DSCAML1: variants seen among roughly 807,000 people sequenced by gnomAD.
The protein encoded by DSCAML1 is cell adhesion molecule DSCAML1.
In DSCAML1, 38 loss-of-function variants were observed where a neutral mutation model predicts 200.5. The ratio of observed to expected loss-of-function variants is 0.19; its 90% CI spans 0.15 to 0.25. The LOEUF is 0.25. DSCAML1 is among the 10% of genes least tolerant of loss of function. DSCAML1 has a pLI of 1.00. For missense variants in DSCAML1, 2,223 were observed against 2,858.8 expected (o/e 0.78, Z 5.07); for synonymous variants, 1,215 against 1,165.0 (o/e 1.04, Z -0.87).
At chr11:117,576,392 C>T (rs1327582521) in intron 3 of DSCAML1, among the ~76,000 whole-genome samples, 1 of 152,142 alleles carries the variant, frequency 6.6e-6, no homozygotes, top group Non-Finnish European at 1.5e-5. Context: ...AGTCTTGCTC[C>T]TCCCCATTCC....
chr11:117,659,083 C>T (rs1398191432), intron 3 of DSCAML1, among the ~76,000 whole-genome samples: 1 of 152,200 alleles, frequency 6.6e-6, no homozygotes, highest in African/African-American at 2.4e-5. Context: ...TGGGTGAGCA[C>T]TGCTGCTATT....
chr11:117,516,698 C>T lies in DSCAML1; in HGVS notation c.1552G>A (p.Ala518Thr), dbSNP rs771272739. Residue 518 changes from alanine (A) to threonine (T), a missense_variant, in exon 8 of 33, where the codon GCC (alanine) becomes ACC (threonine). Ala to Thr is a moderately conservative substitution (Grantham distance 58). Transcript: ENST00000651296. The surrounding 1 kb of genome is among the most constrained non-coding windows in gnomAD (Gnocchi z 5.7). ...IRAMRNITAV[A>T]GRDTLINCRV... Reference sequence around the variant, plus strand: ...CAGTTGATAAGGGTGTCCCGCCCGGCGACTGCTGTGATGTTCCGCATAGCC... The same window carrying T: ...CAGTTGATAAGGGTGTCCCGCCCGGTGACTGCTGTGATGTTCCGCATAGCC... 3.7e-6 allele frequency: 6 copies of T among 1,613,896 alleles called. No individual in the cohort carries two copies. The highest frequency in any genetic ancestry group is 4.2e-6 in the Non-Finnish European group (5 of 1,179,954).
chr11:117,717,741 T>G (rs935436651), intron 3 of DSCAML1, among the ~76,000 whole-genome samples: 1 of 152,160 alleles, frequency 6.6e-6, no homozygotes, highest in African/African-American at 2.4e-5. Context: ...GCCCAGTGCC[T>G]GGCACACAGC....
At chr11:117,462,302 TC>T (rs2048496510) in intron 17 of DSCAML1, among the ~76,000 whole-genome samples, 1 of 151,696 alleles carries the variant, frequency 6.6e-6, no homozygotes. Context: ...AGTCACACTC[TC>T]CCTCTGAGAG....
intron 5 of DSCAML1, among the ~76,000 whole-genome samples, chr11:117,521,823 A>G (rs2049892700): frequency 6.6e-6 from 1 of 152,110 alleles, no homozygotes; most frequent in African/African-American, 2.4e-5. Flanking sequence ...ACACATTGCT[A>G]TGTGCTGCTG....
At chr11:117,668,625 G>C (rs1395338211) in intron 3 of DSCAML1, 1 of 152,246 alleles carries the variant, frequency 6.6e-6, no homozygotes, top group Non-Finnish European at 1.5e-5. Flanking sequence ...GTTCCAGGCA[G>C]AGAGAGCTTG....
intron 3 of DSCAML1, among the ~76,000 whole-genome samples, chr11:117,703,608 C>T (rs2053704323): frequency 6.6e-6 from 1 of 152,164 alleles, no homozygotes; most frequent in Non-Finnish European, 1.5e-5. Context: ...CTGCCCACTC[C>T]CGACCATCCC....
chr11:117,626,210 TCCTTC>T (rs1307685964), intron 3 of DSCAML1, among the ~76,000 whole-genome samples: 1 of 115,502 alleles, frequency 8.7e-6, no homozygotes, highest in African/African-American at 3.2e-5. Flanking sequence ...CCCCCCCCCC[TCCTTC>T]TTCTGGCATG....
intron 31 of DSCAML1, 101 bp downstream of exon 31, chr11:117,431,433 C>T (rs1453574419): frequency 7.9e-6 from 9 of 1,142,552 alleles, no homozygotes; most frequent in Non-Finnish European, 9.6e-6. Context: ...GCCTTGGGCC[C>T]CATGAGCTGG....
Position 117,532,423 on chromosome 11 carries a change from T to C in DSCAML1, c.611A>G (p.Tyr204Cys), listed in dbSNP as rs759883634. 6.2e-7 allele frequency: 1 copy of C among 1,614,172 alleles called. No homozygotes were observed. The highest frequency in any genetic ancestry group is 8.5e-7 in the Non-Finnish European group (1 of 1,180,012). ...ATTGCTCTGCCGGGTCTCCCCGCTATACTTGTGCTTGGTGATGCAGCGATA... is the reference window on the plus strand; with the variant it reads ...ATTGCTCTGCCGGGTCTCCCCGCTACACTTGTGCTTGGTGATGCAGCGATA... ...STYRCITKHKYSGETRQSNGA... is the reference protein window; with the variant it reads ...STYRCITKHKCSGETRQSNGA... Residue 204 changes from tyrosine to cysteine, a missense_variant, in exon 4 of 33, where the codon TAT (tyrosine) becomes TGT (cysteine). Physicochemically the swap from Tyr to Cys is radical, Grantham distance 194. This residue lies in a region of DSCAML1 where 579 missense variants were observed against 721.5 expected (regional missense o/e 0.80). Coordinates refer to ENST00000651296, the MANE Select transcript of DSCAML1 (RefSeq NM_020693.4).
chr11:117,521,226 T>A lies in DSCAML1; in HGVS notation c.1117A>T (p.Ile373Phe). 1 of 1,614,140 alleles carries A rather than the reference T, an allele frequency of 6.2e-7. No homozygotes were observed. The highest frequency in any genetic ancestry group is 8.5e-7 in the Non-Finnish European group (1 of 1,180,026). Residue 373 changes from isoleucine to phenylalanine, a missense_variant, in exon 6 of 33, where the codon ATC becomes TTC. Ile to Phe is a conservative substitution (Grantham distance 21). Coordinates refer to ENST00000651296, the MANE Select transcript of DSCAML1 (RefSeq NM_020693.4). ...IRGLSNETLL[I>F]TSAQKSHSGA... ...GAATGGCTCTTCTGGGCCGAGGTGATGAGCAGCGTCTCGTTGCTGAGCCCG... is the reference window on the plus strand; with the variant it reads ...GAATGGCTCTTCTGGGCCGAGGTGAAGAGCAGCGTCTCGTTGCTGAGCCCG...
chr11:117,680,075 G>A (rs1381541706), intron 3 of DSCAML1, among the ~76,000 whole-genome samples: 1 of 152,190 alleles, frequency 6.6e-6, no homozygotes, highest in Non-Finnish European at 1.5e-5. Context: ...GTCCATCAGT[G>A]AAGATAATGC....
At chr11:117,801,985 G>C (rs1242073646), upstream of DSCAML1, 4 of 152,264 alleles carry the variant, frequency 2.6e-5, no homozygotes, top group Non-Finnish European at 5.9e-5. Context: ...CAGAGCTGAA[G>C]CTCATTGTCA....
Position 117,437,766 on chromosome 11 carries a change from C to T in DSCAML1, c.4432+129G>A, listed in dbSNP as rs2047950281. The T allele has an allele frequency of 9.3e-7, 1 of 1,073,650 alleles. No individual in the cohort carries two copies. The highest frequency in any genetic ancestry group is 1.3e-6 in the Non-Finnish European group (1 of 770,160). The allele number at this position is 1,073,650 out of a possible 1,614,324, so 66.5% of individuals were successfully genotyped here. ...ACGGGAAGGAGGCTGAGGCTCCTCCCTTCAGTCTCCCTGCATCCCTGGACC... is the reference window on the plus strand; with the variant it reads ...ACGGGAAGGAGGCTGAGGCTCCTCCTTTCAGTCTCCCTGCATCCCTGGACC... On this transcript the variant is annotated intron_variant, in intron 25 of 32. Transcript: ENST00000651296. This position sits in a 1 kb window ranked among gnomAD's most constrained non-coding sequence, Gnocchi z 5.3.
chr11:117,487,049 C>A (rs1356913632), intron 11 of DSCAML1, among the ~76,000 whole-genome samples: 1 of 149,148 alleles, frequency 6.7e-6, no homozygotes, highest in African/African-American at 2.5e-5. Context: ...CTCAGTCTCA[C>A]AAGCAGCTGG....
chr11:117,571,971 G>A (rs950870831), intron 3 of DSCAML1, among the ~76,000 whole-genome samples: 1 of 152,174 alleles, frequency 6.6e-6, no homozygotes, highest in African/African-American at 2.4e-5. Context: ...CAATGCCATG[G>A]CAACGTCAGG....
At chr11:117,795,271 G>A (rs1354971891) in intron 1 of DSCAML1, among the ~76,000 whole-genome samples, 1 of 152,184 alleles carries the variant, frequency 6.6e-6, no homozygotes, top group African/African-American at 2.4e-5. Context: ...CAGCGGCTTC[G>A]GCCTGTGCTT....
chr11:117,676,671 C>A (rs1429106797), intron 3 of DSCAML1, among the ~76,000 whole-genome samples: 1 of 152,218 alleles, frequency 6.6e-6, no homozygotes, highest in Non-Finnish European at 1.5e-5. Context: ...TCTGGATGGA[C>A]CAGCAGCTGC....
chr11:117,467,083 C>T (rs576925220), intron 16 of DSCAML1, among the ~76,000 whole-genome samples: 5 of 151,004 alleles, frequency 3.3e-5, no homozygotes, highest in Non-Finnish European at 5.9e-5. Flanking sequence ...GTCAGCCAGG[C>T]GAATGGAGAA....
Sources: allele counts gnomAD v4.1 joint callset (sites outside exome capture counted in the v4.1 genomes callset), GRCh38; gene constraint gnomAD v4.1.1; regional missense constraint gnomAD v4.1.1; non-coding constraint Gnocchi (gnomAD v3.1); transcripts MANE v1.5; gene names NCBI Gene and HGNC (gene_info 2026-07-23, HGNC 2026-07-21).